CSMD1: variants seen among roughly 807,000 people sequenced by gnomAD.
CSMD1 encodes CUB and Sushi multiple domains 1, also known as CUB and sushi domain-containing protein 1.
A neutral mutation model predicts 417.5 loss-of-function variants in CSMD1; 213 were observed. The ratio of observed to expected loss-of-function variants is 0.51; its 90% CI spans 0.46 to 0.57. The LOEUF (loss-of-function observed/expected upper bound fraction) is 0.57. Among genes scored for constraint, CSMD1 ranks in the 20% least tolerant of loss-of-function variants. CSMD1 has a pLI of 0.00. For missense variants in CSMD1, 6,923 were observed against 4,529.7 expected (o/e 1.53, Z -15.17); for synonymous variants, 2,862 against 1,736.8 (o/e 1.65, Z -16.11).
At chr8:3,635,789 A>G (rs1228706717) in intron 7 of CSMD1, among the ~76,000 whole-genome samples, 1 of 130,568 alleles carries the variant, frequency 7.7e-6, no homozygotes, top group Non-Finnish European at 1.6e-5. Context: ...AGCTGCTTCC[A>G]TCTCAAAAAA....
intron 49 of CSMD1, among the ~76,000 whole-genome samples, chr8:3,060,045 C>T (rs546372159): frequency 6.6e-6 from 1 of 152,178 alleles, no homozygotes; most frequent in South Asian, 2.1e-4. Flanking sequence ...TAACATTTAC[C>T]GCAAACTGGA....
chr8:4,062,767 G>C (rs1799044592), intron 3 of CSMD1, among the ~76,000 whole-genome samples: 1 of 151,648 alleles, frequency 6.6e-6, no homozygotes, highest in African/African-American at 2.4e-5. Context: ...TGCATGCTCA[G>C]TAAAATCTGA....
intron 26 of CSMD1, among the ~76,000 whole-genome samples, chr8:3,235,445 A>T (rs73185521): frequency 0.076 from 11,606 of 152,254 alleles, 634 homozygotes; most frequent in Non-Finnish European, 0.11. Context: ...TCTGTTGAAC[A>T]CTTTTCTGGG....
intron 4 of CSMD1, among the ~76,000 whole-genome samples, chr8:4,016,402 G>C (rs114909308): frequency 0.013 from 1,941 of 152,250 alleles, 19 homozygotes; most frequent in Middle Eastern, 0.034. Context: ...GCCAGTGGCA[G>C]AGAAGATGCA....
intron 41 of CSMD1, among the ~76,000 whole-genome samples, chr8:3,122,716 G>A (rs1346179633): frequency 6.6e-6 from 1 of 152,034 alleles, no homozygotes; most frequent in Non-Finnish European, 1.5e-5. Context: ...CATGTAAGAA[G>A]TGCCTTTCAC....
At chr8:4,284,344 G>A (rs988089661) in intron 3 of CSMD1, among the ~76,000 whole-genome samples, 2 of 152,150 alleles carry the variant, frequency 1.3e-5, no homozygotes, top group Middle Eastern at 6.8e-3. Context: ...CTCCAGCCTG[G>A]GGGACAAGAG....
chr8:3,600,395 C>T (rs879566905), intron 8 of CSMD1, among the ~76,000 whole-genome samples: 2 of 152,100 alleles, frequency 1.3e-5, no homozygotes, highest in Admixed American at 1.3e-4. Flanking sequence ...ACTCTATTTC[C>T]CCTAGAATAT....
At chr8:4,430,470 T>C (rs1563165148) in intron 2 of CSMD1, among the ~76,000 whole-genome samples, 1 of 152,154 alleles carries the variant, frequency 6.6e-6, no homozygotes. Flanking sequence ...GGTGATTTAA[T>C]AGACATGGTA....
chr8:4,328,360 A>G (rs965787323), intron 3 of CSMD1, among the ~76,000 whole-genome samples: 3 of 151,364 alleles, frequency 2.0e-5, no homozygotes, highest in Admixed American at 6.6e-5. Context: ...CTTAGTGCAC[A>G]TAAGCTATGG....
At chr8:3,324,870 T>A (rs1411199980) in intron 23 of CSMD1, among the ~76,000 whole-genome samples, 1 of 152,196 alleles carries the variant, frequency 6.6e-6, no homozygotes, top group African/African-American at 2.4e-5. Context: ...ATATTCCCAA[T>A]TGCCTTGGTA....
intron 3 of CSMD1, among the ~76,000 whole-genome samples, chr8:4,142,846 T>A (rs1379295885): frequency 6.6e-6 from 1 of 151,258 alleles, no homozygotes; most frequent in Non-Finnish European, 1.5e-5. Flanking sequence ...TAAATTGTTG[T>A]GCTGTTTCTA....
chr8:4,956,881 G>C (rs768662023), intron 1 of CSMD1, among the ~76,000 whole-genome samples: 33 of 152,150 alleles, frequency 2.2e-4, no homozygotes, highest in Admixed American at 7.2e-4. Flanking sequence ...TCCACACCAA[G>C]CGGCAATCCC....
intron 2 of CSMD1, among the ~76,000 whole-genome samples, chr8:4,518,575 A>T (rs996970498): frequency 1.4e-5 from 2 of 143,900 alleles, no homozygotes; most frequent in Non-Finnish European, 3.0e-5. Context: ...GTGAGAACAC[A>T]TGGACACAGG....
intron 1 of CSMD1, among the ~76,000 whole-genome samples, chr8:4,874,432 C>T (rs1717922280): frequency 6.7e-6 from 1 of 148,928 alleles, no homozygotes; most frequent in South Asian, 2.1e-4. Context: ...CTCTGTCACC[C>T]AGGCTGGCAT....
At chr8:4,418,723 C>A (rs900126886) in intron 3 of CSMD1, among the ~76,000 whole-genome samples, 2 of 152,122 alleles carry the variant, frequency 1.3e-5, no homozygotes, top group Admixed American at 6.6e-5. Context: ...ATGATACAAT[C>A]AAAACTGAAA....
chr8:4,064,479 G>C (rs543054229), intron 3 of CSMD1, among the ~76,000 whole-genome samples: 4 of 152,208 alleles, frequency 2.6e-5, no homozygotes, highest in African/African-American at 7.2e-5. Flanking sequence ...TAGCTGTCTA[G>C]AGCTGCATGT....
intron 1 of CSMD1, among the ~76,000 whole-genome samples, chr8:4,767,124 C>G (rs992265977): frequency 2.0e-5 from 3 of 152,102 alleles, no homozygotes; most frequent in Non-Finnish European, 4.4e-5. Flanking sequence ...TGGATTTCGA[C>G]AAAGCGATGC....
intron 5 of CSMD1, among the ~76,000 whole-genome samples, chr8:3,855,145 T>A (rs1804205402): frequency 6.6e-6 from 1 of 152,222 alleles, no homozygotes; most frequent in Non-Finnish European, 1.5e-5. Context: ...TCTATTTTCA[T>A]AATGTTTCTA....
intron 1 of CSMD1, among the ~76,000 whole-genome samples, chr8:4,730,365 C>T (rs992742545): frequency 6.6e-6 from 1 of 152,080 alleles, no homozygotes; most frequent in African/African-American, 2.4e-5. Flanking sequence ...AAGATGAAAA[C>T]ATATTCAAAC....
Sources: gnomAD v4.1 joint callset for allele counts (sites outside exome capture counted in the v4.1 genomes callset) on GRCh38, gnomAD v4.1.1 for gene constraint, MANE v1.5 for transcripts, NCBI Gene and HGNC (gene_info 2026-07-23, HGNC 2026-07-21) for gene names.